The following PIP5K1B variants were observed in gnomAD, a reference collection of about 807,000 sequenced individuals.
PIP5K1B encodes phosphatidylinositol-4-phosphate 5-kinase type 1 beta, also known as phosphatidylinositol 4-phosphate 5-kinase type-1 beta.
A neutral mutation model predicts 67.0 loss-of-function variants in PIP5K1B; 42 were observed. That is an observed-to-expected ratio of 0.63 (90% CI 0.49 to 0.81). The LOEUF is 0.81. Ranked by LOEUF, PIP5K1B falls within the 30% of genes least tolerant of loss-of-function variation. PIP5K1B has a pLI of 0.00. For missense variants in PIP5K1B, 459 were observed against 646.3 expected, an observed-to-expected ratio of 0.71 and a Z score of 3.14; for synonymous variants, 214 against 231.4, an observed-to-expected ratio of 0.92 and a Z score of 0.68.
chr9:68,931,978 C>T (rs1827026337), intron 12 of PIP5K1B, among the ~76,000 whole-genome samples: 2 of 152,158 alleles, frequency 1.3e-5, no homozygotes, highest in African/African-American at 4.8e-5. Context: ...AGAAACTCAC[C>T]ACTTGAGACA....
At chr9:68,827,679 A>G (rs1413404544) in intron 4 of PIP5K1B, among the ~76,000 whole-genome samples, 1 of 152,202 alleles carries the variant, frequency 6.6e-6, no homozygotes, top group Non-Finnish European at 1.5e-5. Context: ...GTAGGAAAAG[A>G]TGTGGGGAAT....
intron 4 of PIP5K1B, among the ~76,000 whole-genome samples, chr9:68,854,900 G>T (rs908100238): frequency 2.0e-5 from 3 of 151,986 alleles, no homozygotes; most frequent in African/African-American, 7.3e-5. Context: ...TAAATTTTAT[G>T]ATCTGTATTG....
chr9:68,763,072 G>A (rs1009711106), intron 2 of PIP5K1B, among the ~76,000 whole-genome samples: 1 of 152,118 alleles, frequency 6.6e-6, no homozygotes, highest in Non-Finnish European at 1.5e-5. Flanking sequence ...CACAGAAGAA[G>A]GGAGCATCTG....
chr9:68,978,132 AT>A (rs1829718999), intron 14 of PIP5K1B, among the ~76,000 whole-genome samples: 1 of 152,188 alleles, frequency 6.6e-6, no homozygotes, highest in African/African-American at 2.4e-5. Context: ...ACGTGGTTAT[AT>A]CTTTTGTGTG....
chr9:68,793,901 C>A (rs1017488342), intron 2 of PIP5K1B, among the ~76,000 whole-genome samples: 2 of 152,108 alleles, frequency 1.3e-5, no homozygotes, highest in African/African-American at 4.8e-5. Flanking sequence ...AGAACTGAAC[C>A]TTGAAGCATT....
At chr9:68,822,786 T>C in intron 4 of PIP5K1B, 103 bp downstream of exon 4, 1 of 805,438 alleles carries the variant, frequency 1.2e-6, no homozygotes, top group South Asian at 1.6e-5. Context: ...TAAGTTACTA[T>C]CTTAGTTTCC....
intron 14 of PIP5K1B, among the ~76,000 whole-genome samples, chr9:68,967,979 A>G (rs912523233): frequency 2.6e-5 from 4 of 152,134 alleles, no homozygotes; most frequent in African/African-American, 7.2e-5. Flanking sequence ...TCTTACCAAC[A>G]GAAGAAAGGA....
intron 15 of PIP5K1B, among the ~76,000 whole-genome samples, chr9:69,007,451 G>C (rs940954139): frequency 1.3e-5 from 2 of 151,974 alleles, no homozygotes; most frequent in Non-Finnish European, 2.9e-5. Context: ...TTTTCCCCAT[G>C]GAAAAATTTA....
At position 68,923,342 on chromosome 9, in the gene PIP5K1B, G is replaced by A; in HGVS notation, c.1157G>A (p.Arg386Lys). The A allele has an allele frequency of 6.2e-7, 1 of 1,603,342 alleles. No individual in the cohort carries two copies. Among genetic ancestry groups the A allele is most frequent in the Non-Finnish European group, 8.5e-7 (1 of 1,174,334 alleles). Residue 386 changes from arginine (R) to lysine (K), a missense_variant, in exon 12 of 16, where the codon AGA becomes AAA. Physicochemically the swap from Arg to Lys is conservative, Grantham distance 26 (BLOSUM62 2). Coordinates refer to ENST00000265382, the MANE Select transcript of PIP5K1B (RefSeq NM_003558.4). Reference protein sequence around the residue: ...SVHRPSFYADRFLKFMNSRVF... With the variant: ...SVHRPSFYADKFLKFMNSRVF... Reference sequence around the variant, plus strand: ...CATAGACCAAGCTTTTATGCAGACAGATTTCTTAAGTTCATGAATTCCAGA... The same window carrying A: ...CATAGACCAAGCTTTTATGCAGACAAATTTCTTAAGTTCATGAATTCCAGA...
intron 8 of PIP5K1B, among the ~76,000 whole-genome samples, chr9:68,895,935 C>T (rs1825061951): frequency 6.6e-6 from 1 of 152,058 alleles, no homozygotes; most frequent in African/African-American, 2.4e-5. Context: ...AATGACAGAG[C>T]CCACATCTGT....
intron 2 of PIP5K1B, among the ~76,000 whole-genome samples, chr9:68,804,588 AT>A (rs66469506): frequency 0.49 from 61,026 of 125,368 alleles, 12,785 homozygotes; most frequent in East Asian, 0.58. Flanking sequence ...CTAGTTTTCA[AT>A]TTTTTTTTTT....
At chr9:68,729,613 A>G (rs1049586442) in intron 1 of PIP5K1B, among the ~76,000 whole-genome samples, 6 of 152,180 alleles carry the variant, frequency 3.9e-5, no homozygotes, top group Non-Finnish European at 7.4e-5. Flanking sequence ...TTATACAAGA[A>G]CTAACCTTTA....
chr9:68,846,730 G>A (rs1031744068), intron 4 of PIP5K1B, among the ~76,000 whole-genome samples: 5 of 152,042 alleles, frequency 3.3e-5, no homozygotes, highest in South Asian at 4.2e-4. Flanking sequence ...TTTCTATTTC[G>A]TAAATGTTAT....
At chr9:68,842,264 G>A (rs1324732093) in intron 4 of PIP5K1B, among the ~76,000 whole-genome samples, 1 of 152,234 alleles carries the variant, frequency 6.6e-6, no homozygotes, top group Non-Finnish European at 1.5e-5. Context: ...GGGTGGACAG[G>A]CAGGGAGGGT....
chr9:68,891,541 C>G (rs1824787833), intron 7 of PIP5K1B, among the ~76,000 whole-genome samples: 1 of 151,164 alleles, frequency 6.6e-6, no homozygotes, highest in Non-Finnish European at 1.5e-5. Context: ...TGGAAAAATA[C>G]AAGAATCCTT....
chr9:69,008,341 A>G, intron 15 of PIP5K1B, 106 bp from the exon 16 acceptor site: 1 of 967,302 alleles, frequency 1.0e-6, no homozygotes, highest in Non-Finnish European at 1.7e-6. Context: ...CATTTTCCAG[A>G]CACAAGTGAT....
intron 2 of PIP5K1B, chr9:68,780,094 G>C: frequency 7.5e-7 from 1 of 1,337,348 alleles, no homozygotes; most frequent in Non-Finnish European, 9.6e-7. Flanking sequence ...CAGCGGCGGC[G>C]GCCCTGGACT....
At chr9:68,751,134 G>C (rs1478871398) in intron 2 of PIP5K1B, among the ~76,000 whole-genome samples, 4 of 152,204 alleles carry the variant, frequency 2.6e-5, no homozygotes, top group South Asian at 2.1e-4. Context: ...GGATGACTTT[G>C]GGCAAGTCGT....
chr9:68,916,352 C>T (rs1448748189), intron 8 of PIP5K1B, among the ~76,000 whole-genome samples: 1 of 152,170 alleles, frequency 6.6e-6, no homozygotes, highest in Non-Finnish European at 1.5e-5. Flanking sequence ...GTCAAAGCCC[C>T]ACCTATACCC....
Sources: gnomAD v4.1 joint callset for allele counts (sites outside exome capture counted in the v4.1 genomes callset) on GRCh38, gnomAD v4.1.1 for gene constraint, MANE v1.5 for transcripts, NCBI Gene and HGNC (gene_info 2026-07-23, HGNC 2026-07-21) for gene names.